Variants in SPRED1 observed in about 807,000 individuals in gnomAD.
SPRED1 encodes the protein sprouty-related, EVH1 domain-containing protein 1.
A neutral mutation model predicts 52.3 loss-of-function variants in SPRED1; 18 were observed. The observed-to-expected ratio is 0.34, with a 90% CI of 0.24 to 0.51. The LOEUF (loss-of-function observed/expected upper bound fraction) is 0.51. Among genes scored for constraint, SPRED1 ranks in the 20% least tolerant of loss-of-function variants. SPRED1 has a pLI of 0.97. For missense variants in SPRED1, 485 were observed against 551.0 expected, an observed-to-expected ratio of 0.88 and a Z score of 1.20; for synonymous variants, 155 against 179.7, an observed-to-expected ratio of 0.86 and a Z score of 1.10.
chr15:38,294,636 A>G (rs1333475201), intron 1 of SPRED1, among the ~76,000 whole-genome samples: 2 of 152,334 alleles, frequency 1.3e-5, no homozygotes, highest in East Asian at 3.9e-4. Flanking sequence ...GAGAAGAGAA[A>G]GACAGATAAT....
rs1464330719 is a variant in SPRED1, at chr15:38,352,043, C to G, written c.*379C>G. On this transcript the variant is annotated 3_prime_UTR_variant, in exon 7 of 7. Coordinates refer to ENST00000299084, the MANE Select transcript of SPRED1 (RefSeq NM_152594.3). ...GACACGAACTAAAAATAAAAGTGCA[C>G]TAGGGGACAGTTGATTTCAATCTAA... The G allele has an allele frequency of 4.6e-6, 1 of 219,318 alleles. No homozygotes were observed. The highest frequency in any genetic ancestry group is 9.1e-6 in the Non-Finnish European group (1 of 109,814). 13.6% of individuals were successfully genotyped at this position (219,318 alleles called of 1,614,324 possible).
At chr15:38,259,238 A>G (rs987354644) in intron 1 of SPRED1, among the ~76,000 whole-genome samples, 3 of 152,200 alleles carry the variant, frequency 2.0e-5, no homozygotes, top group Admixed American at 6.5e-5. Context: ...GTACTACTCA[A>G]TTTTGTTTTT....
At chr15:38,316,748 GTTTTTT>G (rs1555390721) in intron 2 of SPRED1, among the ~76,000 whole-genome samples, 5 of 41,922 alleles carry the variant, frequency 1.2e-4, no homozygotes, top group East Asian at 1.5e-3. Context: ...TCCATTATAT[GTTTTTT>G]TTTTTTTTTT....
chr15:38,281,539 T>A (rs1894688023), intron 1 of SPRED1, among the ~76,000 whole-genome samples: 1 of 150,990 alleles, frequency 6.6e-6, no homozygotes, highest in Admixed American at 6.6e-5. Flanking sequence ...ACTATAGGTG[T>A]GTGCCACCAT....
intron 1 of SPRED1, among the ~76,000 whole-genome samples, chr15:38,270,726 G>A (rs946621649): frequency 5.9e-5 from 9 of 152,166 alleles, no homozygotes; most frequent in Admixed American, 1.3e-4. Context: ...TGGGGACACA[G>A]AGCCAAACCA....
chr15:38,346,281 C>T (rs929955161), intron 5 of SPRED1, among the ~76,000 whole-genome samples: 3 of 149,402 alleles, frequency 2.0e-5, no homozygotes, highest in African/African-American at 7.4e-5. Flanking sequence ...CGCCATTGCA[C>T]CCAACCTGGG....
intron 1 of SPRED1, among the ~76,000 whole-genome samples, chr15:38,258,507 T>A (rs1292837141): frequency 1.3e-5 from 2 of 152,170 alleles, no homozygotes; most frequent in Admixed American, 1.3e-4. Flanking sequence ...GATCTCTTAC[T>A]TTTCCCTTGA....
chr15:38,350,946 C>G, intron 6 of SPRED1, 68 bp from the exon 7 acceptor site: 1 of 1,456,258 alleles, frequency 6.9e-7, no homozygotes, highest in Non-Finnish European at 9.4e-7. Context: ...GACACTGGCC[C>G]CACCAAGGTG....
chr15:38,350,691 G>C (rs1888463664), intron 6 of SPRED1, among the ~76,000 whole-genome samples: 1 of 152,110 alleles, frequency 6.6e-6, no homozygotes, highest in Admixed American at 6.5e-5. Flanking sequence ...TCCAAAACAG[G>C]GTAGGCTGTC....
intron 1 of SPRED1, among the ~76,000 whole-genome samples, chr15:38,284,930 G>A (rs2140967518): frequency 6.6e-6 from 1 of 151,578 alleles, no homozygotes; most frequent in East Asian, 1.9e-4. Flanking sequence ...GTGGGATCTA[G>A]GAATCAGTTT....
intron 2 of SPRED1, among the ~76,000 whole-genome samples, chr15:38,318,942 G>A (rs1304958205): frequency 2.0e-5 from 3 of 152,022 alleles, no homozygotes; most frequent in Non-Finnish European, 2.9e-5. Flanking sequence ...GTGTTGGGAG[G>A]CTCTAAACAA....
At chr15:38,283,765 C>G (rs916667541) in intron 1 of SPRED1, among the ~76,000 whole-genome samples, 1 of 152,076 alleles carries the variant, frequency 6.6e-6, no homozygotes, top group Non-Finnish European at 1.5e-5. Flanking sequence ...GCTTTAGTTT[C>G]CCTATCTGTA....
chr15:38,299,260 C>T (rs1895102415), intron 1 of SPRED1, 113 bp from the exon 2 acceptor site: 2 of 1,182,038 alleles, frequency 1.7e-6, no homozygotes, highest in East Asian at 2.3e-5. Context: ...GTAGTAAACA[C>T]CTTAGTCACC....
At chr15:38,254,278 A>G (rs1179672898) in intron 1 of SPRED1, among the ~76,000 whole-genome samples, 1 of 152,226 alleles carries the variant, frequency 6.6e-6, no homozygotes, top group Non-Finnish European at 1.5e-5. Flanking sequence ...TTTTTGAAAT[A>G]ACTTTTTAAA....
At position 38,324,360 on chromosome 15, in the gene SPRED1, C is replaced by A. The variant is rs1895666698; in HGVS notation, c.377-403C>A. Among the ~76,000 whole-genome samples the A allele has an allele frequency of 2.6e-5, 4 of 152,142 alleles. 1 individual carries two copies. The South Asian group carries it at 8.3e-4, about 32-fold the overall frequency. On this transcript the variant is annotated intron_variant, in intron 3 of 6. Coordinates refer to ENST00000299084, the MANE Select transcript of SPRED1 (RefSeq NM_152594.3). The stretch of plus-strand genomic sequence containing the variant: ...CATCTTAGCTAAAGCAACTAAAATC[C>A]TGGTTATGGGTACTAAATACTGTTT...
chr15:38,290,953 C>T (rs764321648), intron 1 of SPRED1, among the ~76,000 whole-genome samples: 7 of 152,146 alleles, frequency 4.6e-5, no homozygotes, highest in Non-Finnish European at 7.3e-5. Flanking sequence ...AACAGTCCCC[C>T]AGAGTCTTAA....
intron 1 of SPRED1, among the ~76,000 whole-genome samples, chr15:38,259,964 T>A (rs367905703): frequency 6.8e-4 from 104 of 152,348 alleles, no homozygotes; most frequent in African/African-American, 2.4e-3. Flanking sequence ...AAAGCATTCT[T>A]AAAATTCAGA....
intron 1 of SPRED1, among the ~76,000 whole-genome samples, chr15:38,254,718 G>A (rs537746983): frequency 6.6e-6 from 1 of 152,212 alleles, no homozygotes; most frequent in East Asian, 1.9e-4. Flanking sequence ...GGAAATATCA[G>A]TTCGGGGAGG....
rs1040319006 is a variant in SPRED1, at chr15:38,352,540, A to G, written c.*876A>G. 1.3e-5 allele frequency: 2 copies of G among 152,638 alleles called. No homozygotes were observed. The highest frequency in any genetic ancestry group is 1.5e-5 in the Non-Finnish European group (1 of 67,964). The allele number at this position is 152,638 out of a possible 1,614,324, so 9.5% of individuals were successfully genotyped here. Reference sequence around the variant, plus strand: ...GAGACTGAGTAAACAAACATTATAGAAAAAAAGTGAAGTTTTTTAGTTGTT... The same window carrying G: ...GAGACTGAGTAAACAAACATTATAGGAAAAAAGTGAAGTTTTTTAGTTGTT... On this transcript the variant is annotated 3_prime_UTR_variant, in exon 7 of 7. Coordinates refer to ENST00000299084, the MANE Select transcript of SPRED1 (RefSeq NM_152594.3).
Sources: allele counts gnomAD v4.1 joint callset (sites outside exome capture counted in the v4.1 genomes callset), GRCh38; gene constraint gnomAD v4.1.1; transcripts MANE v1.5; gene names NCBI Gene and HGNC (gene_info 2026-07-23, HGNC 2026-07-21).